The following ITPK1 variants were observed in gnomAD, a reference collection of about 807,000 sequenced individuals.
The protein encoded by ITPK1 is inositol 1,3,4-trisphosphate 5/6-kinase.
A neutral mutation model predicts 45.3 loss-of-function variants in ITPK1; 21 were observed. That is an observed-to-expected ratio of 0.46 (90% CI 0.33 to 0.67). The LOEUF is 0.67. ITPK1 is among the 30% of genes least tolerant of loss of function. The pLI is 0.02. For missense variants in ITPK1, 474 were observed against 573.5 expected (o/e 0.83, Z 1.77); for synonymous variants, 258 against 253.6 (o/e 1.02, Z -0.16).
At chr14:93,074,253 C>A (rs375041793) in intron 3 of ITPK1, among the ~76,000 whole-genome samples, 1 of 152,336 alleles carries the variant, frequency 6.6e-6, no homozygotes, top group South Asian at 2.1e-4. Context: ...CTTCCTCCCC[C>A]AAGCCACCAC....
chr14:93,108,945 G>A (rs1455756470), intron 2 of ITPK1, among the ~76,000 whole-genome samples: 2 of 152,288 alleles, frequency 1.3e-5, no homozygotes, highest in African/African-American at 2.4e-5. Flanking sequence ...CCCAGGAGGC[G>A]GAGGTTGCGG....
At chr14:92,972,997 T>G (rs1273889727) in intron 5 of ITPK1, among the ~76,000 whole-genome samples, 1 of 152,210 alleles carries the variant, frequency 6.6e-6, no homozygotes, top group Non-Finnish European at 1.5e-5. Flanking sequence ...ATGCCTCACT[T>G]GGCAACACCT....
At chr14:93,031,885 T>C (rs1740599) in intron 3 of ITPK1, among the ~76,000 whole-genome samples, 54,928 of 152,076 alleles carry the variant, frequency 0.36, 10,460 homozygotes, top group Non-Finnish European at 0.42. Flanking sequence ...GTCAAAAAAA[T>C]TTTCTATGCA....
chr14:92,963,971 C>T (rs72704295), intron 5 of ITPK1, among the ~76,000 whole-genome samples: 10,028 of 152,268 alleles, frequency 0.066, 568 homozygotes, highest in East Asian at 0.31. Flanking sequence ...CAGAGCAAAG[C>T]AGACTGTCTC....
At chr14:93,077,096 C>A (rs1386690001) in intron 2 of ITPK1, among the ~76,000 whole-genome samples, 3 of 152,198 alleles carry the variant, frequency 2.0e-5, no homozygotes, top group Non-Finnish European at 4.4e-5. Context: ...CCCACACAGT[C>A]CTGCCCGCTG....
chr14:93,082,204 G>A (rs994700160), intron 2 of ITPK1, among the ~76,000 whole-genome samples: 3 of 152,182 alleles, frequency 2.0e-5, no homozygotes, highest in African/African-American at 7.2e-5. Flanking sequence ...ACCAGAAATA[G>A]TTGTGACGCT....
At chr14:93,007,138 G>A (rs1887654724) in intron 4 of ITPK1, among the ~76,000 whole-genome samples, 1 of 152,220 alleles carries the variant, frequency 6.6e-6, no homozygotes, top group South Asian at 2.1e-4. Flanking sequence ...CAAGAAAGGG[G>A]CTGCCTGCCC....
intron 3 of ITPK1, among the ~76,000 whole-genome samples, chr14:93,064,519 A>G (rs529826097): frequency 4.6e-5 from 7 of 151,888 alleles, no homozygotes; most frequent in Non-Finnish European, 8.8e-5. Flanking sequence ...CCCCATTCCC[A>G]CCGGAACCCT....
intron 2 of ITPK1, among the ~76,000 whole-genome samples, chr14:93,108,749 A>G (rs1351525539): frequency 6.6e-6 from 1 of 152,222 alleles, no homozygotes; most frequent in Non-Finnish European, 1.5e-5. Flanking sequence ...GTAGTGGCTC[A>G]CACCTGTAAT....
chr14:93,102,715 G>A (rs939796578), intron 2 of ITPK1, among the ~76,000 whole-genome samples: 3 of 152,148 alleles, frequency 2.0e-5, no homozygotes, highest in East Asian at 1.9e-4. Flanking sequence ...CCAACACTTC[G>A]GGAGGCTGAG....
chr14:93,014,348 C>CTGGGCTG lies in ITPK1; in HGVS notation c.246+2321_246+2327dup, dbSNP rs1219179287. Among the ~76,000 whole-genome samples, 1 of 152,184 alleles carries CTGGGCTG rather than the reference C, an allele frequency of 6.6e-6. No individual in the cohort carries two copies. On this transcript the variant is annotated intron_variant, in intron 4 of 10. Coordinates refer to ENST00000267615, the MANE Select transcript of ITPK1 (RefSeq NM_014216.6). This position sits in a 1 kb window ranked among gnomAD's most constrained non-coding sequence, Gnocchi z 4.4. ...CATTCACTGTTTGGACATCACTTGC[C>CTGGGCTG]TGGGCTGTGGGCTGTGTGTGTGTCT... is the stretch of plus-strand genomic sequence containing the variant.
At chr14:92,944,139 C>A (rs1887568622) in intron 10 of ITPK1, among the ~76,000 whole-genome samples, 1 of 152,164 alleles carries the variant, frequency 6.6e-6, no homozygotes, top group South Asian at 2.1e-4. Context: ...CAGAGCCAGC[C>A]CCTCTCTGGA....
chr14:93,028,382 C>T (rs542366986), intron 3 of ITPK1, among the ~76,000 whole-genome samples: 159 of 152,332 alleles, frequency 1.0e-3, no homozygotes, highest in African/African-American at 3.8e-3. Flanking sequence ...CTAACACCTT[C>T]GCTCAGCCTG....
chr14:93,093,418 T>C (rs1341322736), intron 2 of ITPK1, among the ~76,000 whole-genome samples: 1 of 152,206 alleles, frequency 6.6e-6, no homozygotes, highest in Non-Finnish European at 1.5e-5. Flanking sequence ...GTCAGAAGTC[T>C]GAGTGCTCCG....
intron 3 of ITPK1, among the ~76,000 whole-genome samples, chr14:93,025,556 T>A (rs148067805): frequency 6.6e-6 from 1 of 152,338 alleles, no homozygotes; most frequent in South Asian, 2.1e-4. Flanking sequence ...TTCCTCCGGA[T>A]GAGCACTCCA....
At chr14:92,986,752 A>G (rs1566717013) in intron 5 of ITPK1, among the ~76,000 whole-genome samples, 1 of 152,118 alleles carries the variant, frequency 6.6e-6, no homozygotes, top group African/African-American at 2.4e-5. Context: ...CAGCAAGGTT[A>G]AGCTCTGAGT....
intron 5 of ITPK1, among the ~76,000 whole-genome samples, chr14:92,981,342 C>T (rs1240420950): frequency 6.6e-6 from 1 of 152,198 alleles, no homozygotes; most frequent in Non-Finnish European, 1.5e-5. Flanking sequence ...CTCTGGGCCT[C>T]GGCATGGGGC....
intron 5 of ITPK1, among the ~76,000 whole-genome samples, chr14:92,968,744 C>T (rs1885502237): frequency 6.6e-6 from 1 of 152,356 alleles, no homozygotes; most frequent in Admixed American, 6.5e-5. Context: ...CACGGTCATT[C>T]TTGTTCATTC....
At chr14:93,001,865 C>T (rs886973270) in intron 4 of ITPK1, among the ~76,000 whole-genome samples, 1 of 152,212 alleles carries the variant, frequency 6.6e-6, no homozygotes, top group African/African-American at 2.4e-5. Flanking sequence ...TACCCAGCGC[C>T]GGGTGAAACC....
Sources: gnomAD v4.1 joint callset for allele counts (sites outside exome capture counted in the v4.1 genomes callset) on GRCh38, gnomAD v4.1.1 for gene constraint, Gnocchi (gnomAD v3.1) non-coding constraint, MANE v1.5 for transcripts, NCBI Gene and HGNC (gene_info 2026-07-23, HGNC 2026-07-21) for gene names.